SH3KBP1: variants seen among roughly 807,000 people sequenced by gnomAD.
SH3KBP1 encodes SH3 domain-containing kinase-binding protein 1.
In SH3KBP1, 8 loss-of-function variants were observed where a neutral mutation model predicts 50.1. The ratio of observed to expected loss-of-function variants is 0.16; its 90% CI spans 0.09 to 0.29. SH3KBP1 has a LOEUF of 0.29. SH3KBP1 is among the 10% of genes least tolerant of loss of function. The probability of loss-of-function intolerance (pLI) is 1.00; values close to 1 mark genes in which losing one functional copy is unlikely to be tolerated. For synonymous variants in SH3KBP1, 227 were observed against 218.6 expected (o/e 1.04, Z -0.34); for missense variants, 377 against 535.2 (o/e 0.70, Z 2.92).
intron 13 of SH3KBP1, among the ~76,000 whole-genome samples, chrX:19,567,557 A>AATATATATATATATATATATATATATAT (rs1555990522): frequency 4.8e-4 from 17 of 35,079 alleles, no homozygotes; most frequent in African/African-American, 1.0e-3. Context: ...AAAAAAAAAA[A>AATATATATATATATATATATATATATAT]ATATATATAT....
chrX:19,672,698 G>C (rs1176076051), intron 6 of SH3KBP1, among the ~76,000 whole-genome samples: 1 of 111,750 alleles, frequency 8.9e-6, no homozygotes, highest in Admixed American at 9.5e-5. Context: ...ATGGGATCCT[G>C]CAACAGAAAA....
intron 12 of SH3KBP1, chrX:19,588,229 G>T (rs2066627900): frequency 1.5e-6 from 1 of 649,681 alleles, no homozygotes; most frequent in East Asian, 3.9e-5. Flanking sequence ...GCAGAGCAGT[G>T]AGGGTCAGGG....
chrX:19,808,856 G>A (rs1022683402), intron 2 of SH3KBP1, among the ~76,000 whole-genome samples: 6 of 111,828 alleles, frequency 5.4e-5, no homozygotes, highest in Admixed American at 9.5e-5. Flanking sequence ...TCTTGGAAGC[G>A]TGGGAGGGAC....
chrX:19,882,746 A>G (rs1293546054), intron 1 of SH3KBP1, among the ~76,000 whole-genome samples: 1 of 111,859 alleles, frequency 8.9e-6, no homozygotes, highest in African/African-American at 3.3e-5. Context: ...CAAACAGTGT[A>G]ACTTAAAGTC....
intron 1 of SH3KBP1, among the ~76,000 whole-genome samples, chrX:19,878,505 T>TGTGTGTGTGTGTGAGAGAGAGA (rs1491094714): frequency 1.0e-4 from 5 of 48,216 alleles, no homozygotes; most frequent in African/African-American, 3.0e-4. Context: ...TGTGTGTGTG[T>TGTGTGTGTGTGTGAGAGAGAGA]GAGAGAGAGA....
chrX:19,559,797 T>C (rs770006875), intron 13 of SH3KBP1, among the ~76,000 whole-genome samples: 1 of 111,294 alleles, frequency 9.0e-6, no homozygotes, highest in South Asian at 3.8e-4. Context: ...AAGCAAAGAA[T>C]TACTAACCAA....
intron 1 of SH3KBP1, among the ~76,000 whole-genome samples, chrX:19,883,235 C>T (rs776042158): frequency 8.9e-6 from 1 of 112,604 alleles, no homozygotes; most frequent in South Asian, 3.6e-4. Flanking sequence ...TAACGGGTTG[C>T]AGGGGAGGCT....
intron 14 of SH3KBP1, among the ~76,000 whole-genome samples, chrX:19,546,284 A>T (rs1048087790): frequency 8.9e-6 from 1 of 112,015 alleles, no homozygotes; most frequent in Non-Finnish European, 1.9e-5. Context: ...CTTGCCACTG[A>T]TGTCCATCAA....
chrX:19,548,228 G>GA (rs1186777638), intron 14 of SH3KBP1, among the ~76,000 whole-genome samples: 14 of 112,489 alleles, frequency 1.2e-4, no homozygotes, highest in African/African-American at 4.5e-4. Context: ...TCAGGCATGG[G>GA]ATGTATGGAC....
chrX:19,613,554 T>A (rs1219563177), intron 8 of SH3KBP1, among the ~76,000 whole-genome samples: 1 of 112,677 alleles, frequency 8.9e-6, no homozygotes, highest in Non-Finnish European at 1.9e-5. Flanking sequence ...GTCCTTAAAA[T>A]GGCCAAAATG....
chrX:19,866,893 A>G (rs2147525642), intron 1 of SH3KBP1, among the ~76,000 whole-genome samples: 1 of 107,589 alleles, frequency 9.3e-6, no homozygotes, highest in African/African-American at 3.4e-5. Flanking sequence ...ACGTAAACAG[A>G]CCTTACAACA....
At position 19,570,503 on chromosome X, in the gene SH3KBP1, C is replaced by T. The variant is rs150437520; in HGVS notation, c.1299-1315G>A. On this transcript the variant is annotated intron_variant, in intron 12 of 17. Transcript: ENST00000397821. The stretch of plus-strand genomic sequence containing the variant: ...GTTGGTGAACACCTGACTGCTGGGC[C>T]GGATACTACAGGGCTTGTTTTGTCT... Among the ~76,000 whole-genome samples the T allele has an allele frequency of 2.6e-3, 286 of 111,376 alleles. 1 individual carries two copies. The highest frequency in any genetic ancestry group is 8.2e-3 in the African/African-American group (253 of 30,671).
At chrX:19,778,795 A>G (rs2066069308) in intron 2 of SH3KBP1, among the ~76,000 whole-genome samples, 3 of 110,605 alleles carry the variant, frequency 2.7e-5, no homozygotes, top group South Asian at 7.7e-4. Flanking sequence ...TTACAAGGGC[A>G]GAACCGACTA....
intron 1 of SH3KBP1, among the ~76,000 whole-genome samples, chrX:19,847,568 A>C (rs1171330997): frequency 1.8e-5 from 2 of 112,127 alleles, no homozygotes; most frequent in Non-Finnish European, 3.8e-5. Context: ...AAGTATAACT[A>C]CTTTAGGCTC....
chrX:19,565,387 G>C (rs2065815145), intron 13 of SH3KBP1, among the ~76,000 whole-genome samples: 1 of 111,413 alleles, frequency 9.0e-6, no homozygotes, highest in Non-Finnish European at 1.9e-5. Flanking sequence ...TTACTAGCCA[G>C]ATAATCTTGC....
chrX:19,537,624 G>A, intron 17 of SH3KBP1, 93 bp downstream of exon 17: 1 of 722,363 alleles, frequency 1.4e-6, no homozygotes, highest in Non-Finnish European at 2.2e-6. Flanking sequence ...CTGCAGAGAG[G>A]TGACAATCAT....
intron 12 of SH3KBP1, among the ~76,000 whole-genome samples, chrX:19,579,102 A>G: frequency 8.9e-6 from 1 of 112,179 alleles, no homozygotes; most frequent in Non-Finnish European, 1.9e-5. Context: ...CTCCCTTTGC[A>G]TCGTGCGTCC....
At chrX:19,603,555 C>T (rs959748185) in intron 9 of SH3KBP1, among the ~76,000 whole-genome samples, 1 of 112,457 alleles carries the variant, frequency 8.9e-6, no homozygotes. Context: ...ATTAGGGAAA[C>T]GCCTATGGGA....
chrX:19,590,670 G>A (rs1378623374), intron 11 of SH3KBP1, among the ~76,000 whole-genome samples: 2 of 106,867 alleles, frequency 1.9e-5, no homozygotes, highest in Non-Finnish European at 3.9e-5. Flanking sequence ...TTTAGACAGG[G>A]TCTCACTCTG....
Sources: allele counts gnomAD v4.1 joint callset (sites outside exome capture counted in the v4.1 genomes callset), GRCh38; gene constraint gnomAD v4.1.1; transcripts MANE v1.5; gene names NCBI Gene and HGNC (gene_info 2026-07-23, HGNC 2026-07-21).